Variants in RPS24 observed in about 807,000 individuals in gnomAD.
RPS24 encodes small ribosomal subunit protein eS24.
For synonymous variants in RPS24, 72 were observed against 55.6 expected (o/e 1.30, Z -1.31); for missense variants, 100 against 162.5 (o/e 0.62, Z 2.09).
intron 4 of RPS24, among the ~76,000 whole-genome samples, chr10:78,051,899 A>G (rs772432640): frequency 1.3e-5 from 2 of 152,102 alleles, no homozygotes; most frequent in Non-Finnish European, 2.9e-5. Flanking sequence ...CTTATTTTCA[A>G]ATGGGGTGAT....
intron 3 of RPS24, chr10:78,036,174 A>G (rs144846478): frequency 1.4e-5 from 3 of 209,428 alleles, no homozygotes; most frequent in East Asian, 1.1e-4. Flanking sequence ...ATTCTAGTAA[A>G]CAAGTAAGCA....
intron 1 of RPS24, among the ~76,000 whole-genome samples, chr10:78,034,868 C>G (rs1847827241): frequency 6.6e-6 from 1 of 152,220 alleles, no homozygotes; most frequent in African/African-American, 2.4e-5. Context: ...AGTTTTTACC[C>G]CAGAGAAGTG....
At chr10:78,044,843 G>C (rs920420092), downstream of RPS24, among the ~76,000 whole-genome samples, 1 of 151,294 alleles carries the variant, frequency 6.6e-6, no homozygotes, top group Admixed American at 6.6e-5. Flanking sequence ...TGGAGAATTA[G>C]ATGTTCTGCA....
At position 78,040,172 on chromosome 10, in the gene RPS24, TTC is replaced by T. The variant is rs369715779; in HGVS notation, c.391-28_391-27del. ...TAATGAAATCTTTCTTTTCCCTCCT[TTC>T]TCTTTTTCCCTTCCCCGCCACTGAT... On this transcript the variant is annotated intron_variant, in intron 4 of 5. Transcript: ENST00000372360. 7.6e-3 allele frequency: 12,204 copies of T among 1,610,054 alleles called. 80 individuals carry two copies. Among genetic ancestry groups the T allele is most frequent in the South Asian group, 0.024 (2,204 of 90,944 alleles).
intron 4 of RPS24, among the ~76,000 whole-genome samples, chr10:78,053,053 T>C (rs1187414293): frequency 6.6e-6 from 1 of 151,906 alleles, no homozygotes; most frequent in Non-Finnish European, 1.5e-5. Flanking sequence ...CTTGGGAGCC[T>C]GAGGCAGGAG....
chr10:78,035,210 T>C, intron 1 of RPS24, 142 bp from the exon 2 acceptor site: 1 of 798,724 alleles, frequency 1.3e-6, no homozygotes, highest in Non-Finnish European at 2.2e-6. Context: ...AGTTTGGCCT[T>C]GCCCAGTGGG....
exon 5 of RPS24, chr10:78,054,675 T>A (rs1848133096): frequency 2.6e-6 from 4 of 1,551,656 alleles, no homozygotes; most frequent in East Asian, 2.4e-5. Context: ...CGTGTGGACA[T>A]GTGGCAGATT....
rs543779589 is a variant in RPS24 at position 78,037,505 on chromosome 10, A to G, written c.390+201A>G. The G allele has an allele frequency of 5.2e-6, 4 of 775,538 alleles. No individual in the cohort carries two copies. The African/African-American group carries it at 7.0e-5, about 14-fold the overall frequency. The allele number at this position is 775,538 out of a possible 1,614,324, so 48.0% of individuals were successfully genotyped here. On this transcript the variant is annotated intron_variant, in intron 4 of 5. Coordinates refer to ENST00000372360, the MANE Select transcript of RPS24 (RefSeq NM_033022.4). ...ACACCTCAGTAAAGTAGCTTGGCCC[A>G]CCCCTTGTCAGCTCACAGCACAATC...
At chr10:78,043,666 C>T (rs1396130564), downstream of RPS24, among the ~76,000 whole-genome samples, 3 of 152,180 alleles carry the variant, frequency 2.0e-5, no homozygotes, top group Non-Finnish European at 4.4e-5. Flanking sequence ...TAGTTAATGA[C>T]GATCCCATGA....
At position 78,049,386 on chromosome 10, in the gene RPS24, T is replaced by A. The variant is rs531932107; in HGVS notation, c.391-5145T>A. ...GCTCCTGAGCTGGCTTTGTCATGGG[T>A]TTAGAGGGTATGTTAGGGAGGAGGC... On this transcript the variant is annotated intron_variant, in intron 4 of 4. Coordinates refer to the RPS24 transcript ENST00000440692. Among the ~76,000 whole-genome samples, 306 of 151,882 alleles carry A rather than the reference T, an allele frequency of 2.0e-3. 1 individual carries two copies. The highest frequency in any genetic ancestry group is 7.1e-3 in the African/African-American group (296 of 41,408).
chr10:78,050,454 C>T (rs1375325382), intron 4 of RPS24, among the ~76,000 whole-genome samples: 3 of 152,198 alleles, frequency 2.0e-5, no homozygotes, highest in African/African-American at 7.2e-5. Flanking sequence ...TTCTTTCCTT[C>T]TTGTCACTCC....
chr10:78,051,125 G>A (rs1157201421), intron 4 of RPS24, among the ~76,000 whole-genome samples: 2 of 152,200 alleles, frequency 1.3e-5, no homozygotes, highest in Non-Finnish European at 2.9e-5. Context: ...GGAAGGCAGA[G>A]GTTGCAGCGA....
At chr10:78,038,056 G>T in intron 4 of RPS24, 1 of 972,942 alleles carries the variant, frequency 1.0e-6, no homozygotes, top group Non-Finnish European at 1.4e-6. Flanking sequence ...TTTGCATGTT[G>T]GCCTTTGGAC....
In RPS24 at chr10:78,054,553, TGCAA is replaced by T; in HGVS notation, c.417_420del (p.Gln139HisfsTer14). ...CAGATGAGGGAATTGGGGCTTGGAG[TGCAA>T]GCATTGGGAAGAATTTCCCAGGAAG... On this transcript the variant is annotated frameshift_variant, in exon 5 of 5. Transcript: ENST00000440692. LOFTEE classifies it low-confidence loss of function (END_TRUNC). 1 of 1,544,396 alleles carries T rather than the reference TGCAA, an allele frequency of 6.5e-7. No individual in the cohort carries two copies. Among genetic ancestry groups the T allele is most frequent in the Non-Finnish European group, 8.8e-7 (1 of 1,141,804 alleles).
At chr10:78,051,405 C>A (rs1226693524) in intron 4 of RPS24, among the ~76,000 whole-genome samples, 1 of 152,360 alleles carries the variant, frequency 6.6e-6, no homozygotes, top group African/African-American at 2.4e-5. Flanking sequence ...TATGTCCACA[C>A]CGTAGCATGT....
chr10:78,041,938 AGTT>A (rs1847990371), downstream of RPS24, among the ~76,000 whole-genome samples: 1 of 152,176 alleles, frequency 6.6e-6, no homozygotes, highest in Non-Finnish European at 1.5e-5. Context: ...TCAGGGCAGA[AGTT>A]GTAGTCTTTC....
At chr10:78,051,688 CGA>C (rs1240272181) in intron 4 of RPS24, among the ~76,000 whole-genome samples, 1 of 152,150 alleles carries the variant, frequency 6.6e-6, no homozygotes, top group Non-Finnish European at 1.5e-5. Context: ...CAGCAATGTA[CGA>C]AGGTTCTAAT....
At chr10:78,040,456 A>T (rs1385222888) in intron 5 of RPS24, 159 bp from the exon 6 acceptor site, 2 of 728,788 alleles carry the variant, frequency 2.7e-6, no homozygotes, top group Non-Finnish European at 4.7e-6. Flanking sequence ...TGTAAATTTT[A>T]TTTCTTGATG....
chr10:78,055,185 A>G lies in RPS24; in HGVS notation c.*175A>G, dbSNP rs377427583. The G allele has an allele frequency of 1.6e-4, 172 of 1,078,982 alleles. 1 individual carries two copies. In the East Asian group the frequency reaches 3.0e-3, roughly 19 times the overall value. 66.8% of individuals were successfully genotyped at this position (1,078,982 alleles called of 1,614,324 possible). ...TCACCCAAATGCCAAAGACCTCCCC[A>G]CGCCCCCACAATCCCCCACGACCTG... is the stretch of plus-strand genomic sequence containing the variant. On this transcript the variant is annotated 3_prime_UTR_variant, in exon 5 of 5. Transcript: ENST00000440692.
Sources: gnomAD v4.1 joint callset for allele counts (sites outside exome capture counted in the v4.1 genomes callset) on GRCh38, gnomAD v4.1.1 for gene constraint, MANE v1.5 for transcripts, NCBI Gene and HGNC (gene_info 2026-07-23, HGNC 2026-07-21) for gene names.